Variants in NID1 observed in about 807,000 individuals in gnomAD.
NID1 encodes nidogen 1, also known as nidogen-1.
In NID1, 76 loss-of-function variants were observed where a neutral mutation model predicts 130.6. The ratio of observed to expected loss-of-function variants is 0.58; its 90% CI spans 0.48 to 0.70. The LOEUF (loss-of-function observed/expected upper bound fraction) is 0.70. NID1 is among the 30% of genes least tolerant of loss of function. The pLI is 0.00. For missense variants in NID1, 1,517 were observed against 1,664.8 expected, an observed-to-expected ratio of 0.91 and a Z score of 1.54; for synonymous variants, 665 against 675.1, an observed-to-expected ratio of 0.98 and a Z score of 0.23.
At chr1:236,051,944 G>A (rs1423944521) in intron 1 of NID1, among the ~76,000 whole-genome samples, 2 of 152,244 alleles carry the variant, frequency 1.3e-5, no homozygotes, top group Admixed American at 6.5e-5. Context: ...TAGGACAAAT[G>A]TCATGCAGCA....
At chr1:236,004,042 A>AC (rs560058405) in intron 12 of NID1, among the ~76,000 whole-genome samples, 2 of 151,360 alleles carry the variant, frequency 1.3e-5, no homozygotes, top group Admixed American at 6.6e-5. Context: ...CAAAAAAAAA[A>AC]AAAAAAACAA....
chr1:235,986,984 C>T (rs1657593184), intron 14 of NID1, among the ~76,000 whole-genome samples: 1 of 152,230 alleles, frequency 6.6e-6, no homozygotes, highest in Non-Finnish European at 1.5e-5. Flanking sequence ...CAAACACGCC[C>T]AGAGTCCTTT....
In NID1 at chr1:235,977,667, A is replaced by C; in HGVS notation, c.*200T>G. On this transcript the variant is annotated 3_prime_UTR_variant, in exon 20 of 20. Transcript: ENST00000264187. ...GGGGTGGAGGGTTCTGTCCTTGTGTAGGGGTGGAGACTTTTCTATTAGAGA... is the reference window on the plus strand; with the variant it reads ...GGGGTGGAGGGTTCTGTCCTTGTGTCGGGGTGGAGACTTTTCTATTAGAGA... 1.8e-6 allele frequency: 1 copy of C among 566,688 alleles called. No homozygotes were observed. 35.1% of individuals were successfully genotyped at this position (566,688 alleles called of 1,614,324 possible).
rs755292480 is a variant in NID1 at position 236,048,894 on chromosome 1, G to A, written c.321C>T (p.Phe107=). Residue 107 remains phenylalanine (F), a synonymous_variant, in exon 2 of 20, where the codon TTC becomes TTT. Transcript: ENST00000264187. ...FPPTFGAVAP[F]LADLDTTDGL... is the part of the protein sequence containing the mutation. ...CATCGGTCGTGTCCAAGTCCGCCAGGAAAGGGGCGACTGCACCGAATGTTG... is the reference window on the plus strand; with the variant it reads ...CATCGGTCGTGTCCAAGTCCGCCAGAAAAGGGGCGACTGCACCGAATGTTG... 1.2e-6 allele frequency: 2 copies of A among 1,614,060 alleles called. No homozygotes were observed. Among genetic ancestry groups the A allele is most frequent in the East Asian group, 2.2e-5 (1 of 44,884 alleles).
At chr1:235,997,827 C>G (rs183019437) in intron 12 of NID1, among the ~76,000 whole-genome samples, 2 of 151,888 alleles carry the variant, frequency 1.3e-5, no homozygotes, top group Non-Finnish European at 2.9e-5. Flanking sequence ...AGGCTGGTCT[C>G]GAACTCCTGA....
Position 235,980,599 on chromosome 1 carries a change from GT to G in NID1, c.3281del (p.Tyr1094SerfsTer21), listed in dbSNP as rs780504683. ...NRDNPKIETS[Y>X]MDGTNRRILV... ...GGATCCTCCGGTTCGTGCCGTCCAT[GT>G]AGGAAGTTTCAATCTTGGGGTTATC... On this transcript the variant is annotated frameshift_variant, in exon 17 of 20. Coordinates refer to ENST00000264187, the MANE Select transcript of NID1 (RefSeq NM_002508.3). LOFTEE classifies it high-confidence loss of function. 1 of 1,614,218 alleles carries G rather than the reference GT, an allele frequency of 6.2e-7. No homozygotes were observed. The highest frequency in any genetic ancestry group is 8.5e-7 in the Non-Finnish European group (1 of 1,180,036).
chr1:236,052,809 T>C (rs1659798799), intron 1 of NID1, among the ~76,000 whole-genome samples: 1 of 152,198 alleles, frequency 6.6e-6, no homozygotes. Flanking sequence ...GACAGCAACC[T>C]GTCCAGGGTG....
chr1:236,045,569 G>C lies in NID1; in HGVS notation c.640C>G (p.Gln214Glu). The C allele has an allele frequency of 6.2e-7, 1 of 1,614,098 alleles. No homozygotes were observed. Among genetic ancestry groups the C allele is most frequent in the Non-Finnish European group, 8.5e-7 (1 of 1,180,004 alleles). Residue 214 changes from glutamine to glutamate, a missense_variant, in exon 3 of 20, where the codon CAA (glutamine) becomes GAA (glutamate). Physicochemically the swap from Gln to Glu is conservative, Grantham distance 29 (BLOSUM62 2). Coordinates refer to ENST00000264187, the MANE Select transcript of NID1 (RefSeq NM_002508.3). The stretch of plus-strand genomic sequence containing the variant: ...CTGAATGCAACCACGGCAGGAACTT[G>C]GTTGTTTTCCTTCTTTGAGAATGTC... ...HTTFSKKENN[Q>E]VPAVVAFSQG...
chr1:235,981,141 C>T (rs1458347987), intron 16 of NID1, among the ~76,000 whole-genome samples: 1 of 152,108 alleles, frequency 6.6e-6, no homozygotes, highest in African/African-American at 2.4e-5. Context: ...TGTCGAGGAA[C>T]TAAGAGCCTG....
rs1278801971 is a variant in NID1, at chr1:235,977,105, C to T, written c.*762G>A. 1.3e-5 allele frequency: 2 copies of T among 152,200 alleles called. No individual in the cohort carries two copies. Among genetic ancestry groups the T allele is most frequent in the African/African-American group, 4.8e-5 (2 of 41,460 alleles). 9.4% of individuals were successfully genotyped at this position (152,200 alleles called of 1,614,324 possible). A position where few individuals can be genotyped will look rare whatever the true frequency, so the allele number is the denominator to read the frequency against. The stretch of plus-strand genomic sequence containing the variant: ...AATCCCCTATTCTCAAATATCTGAC[C>T]TACACCTTGAAATTCCTACCATTGG... On this transcript the variant is annotated 3_prime_UTR_variant, in exon 20 of 20. Coordinates refer to ENST00000264187, the MANE Select transcript of NID1 (RefSeq NM_002508.3).
At chr1:235,982,265 G>C (rs1657458374) in intron 15 of NID1, among the ~76,000 whole-genome samples, 1 of 152,196 alleles carries the variant, frequency 6.6e-6, no homozygotes, top group Non-Finnish European at 1.5e-5. Flanking sequence ...ATAAAGGAAG[G>C]CTGGATGGTG....
Position 236,041,995 on chromosome 1 carries a change from G to T in NID1, c.1050C>A (p.Thr350=), listed in dbSNP as rs573512686. 1.2e-6 allele frequency: 2 copies of T among 1,614,176 alleles called. No homozygotes were observed. Among genetic ancestry groups the T allele is most frequent in the Non-Finnish European group, 1.7e-6 (2 of 1,180,032 alleles). Residue 350 remains threonine, a synonymous_variant, in exon 4 of 20, where the codon ACC becomes ACA. Coordinates refer to ENST00000264187, the MANE Select transcript of NID1 (RefSeq NM_002508.3). ...ERPLGPPTER[T]RSFQLAVETF... The stretch of plus-strand genomic sequence containing the variant: ...TCTCCACTGCCAACTGGAAAGACCT[G>T]GTTCTCTCTGTGGGAGGTCCAAGGG...
At chr1:236,013,782 G>A (rs1198907299) in intron 10 of NID1, among the ~76,000 whole-genome samples, 1 of 152,100 alleles carries the variant, frequency 6.6e-6, no homozygotes, top group Non-Finnish European at 1.5e-5. Flanking sequence ...GACTGACACC[G>A]TGGTTTGTCA....
intron 1 of NID1, among the ~76,000 whole-genome samples, chr1:236,055,377 A>G (rs1457618964): frequency 6.6e-6 from 1 of 152,116 alleles, no homozygotes; most frequent in Non-Finnish European, 1.5e-5. Flanking sequence ...TGAGGACATC[A>G]ATGAAAGAAG....
intron 14 of NID1, among the ~76,000 whole-genome samples, chr1:235,989,721 A>AG (rs1365797397): frequency 3.3e-5 from 5 of 152,262 alleles, no homozygotes; most frequent in Non-Finnish European, 7.3e-5. Flanking sequence ...CTGTCTGGAC[A>AG]GGGGGATCAG....
At chr1:235,990,825 G>T (rs1257896433) in intron 14 of NID1, 61 bp downstream of exon 14, 12 of 1,588,054 alleles carry the variant, frequency 7.6e-6, no homozygotes, top group African/African-American at 1.3e-5. Context: ...ATATCGTCCT[G>T]CTTGTTTTTC....
intron 13 of NID1, among the ~76,000 whole-genome samples, chr1:235,992,448 G>A (rs1657782684): frequency 6.6e-6 from 1 of 152,186 alleles, no homozygotes; most frequent in Non-Finnish European, 1.5e-5. Context: ...ATGGGCGCCT[G>A]CTCCAAACCC....
chr1:236,017,418 T>C, intron 9 of NID1, 145 bp from the exon 10 acceptor site: 3 of 885,838 alleles, frequency 3.4e-6, no homozygotes, highest in Non-Finnish European at 4.9e-6. Flanking sequence ...GGAGTCTTGC[T>C]CTGTCGCCCA....
In NID1 at chr1:236,031,118, C is replaced by CT. The variant is rs535194651; in HGVS notation, c.1537+1282dup. On this transcript the variant is annotated intron_variant, in intron 6 of 19. Coordinates refer to ENST00000264187, the MANE Select transcript of NID1 (RefSeq NM_002508.3). ...GCAGGTTCAATCCTTTTCTTTTTTTCTTTTTTTCTTTTTTTTTTAATACAG... is the reference window on the plus strand; with the variant it reads ...GCAGGTTCAATCCTTTTCTTTTTTTCTTTTTTTTCTTTTTTTTTTAATACAG... Among the ~76,000 whole-genome samples, 32 of 151,336 alleles carry CT rather than the reference C, an allele frequency of 2.1e-4. No homozygotes were observed. In the East Asian group the frequency reaches 4.5e-3, roughly 21 times the overall value.
Sources: allele counts gnomAD v4.1 joint callset (sites outside exome capture counted in the v4.1 genomes callset), GRCh38; gene constraint gnomAD v4.1.1; transcripts MANE v1.5; gene names NCBI Gene and HGNC (gene_info 2026-07-23, HGNC 2026-07-21).